Variants in OLAH observed in about 807,000 individuals in gnomAD.
OLAH encodes the protein S-acyl fatty acid synthase thioesterase, medium chain.
Under a neutral mutation model 27.8 loss-of-function variants are expected in OLAH, and 33 were observed. The observed-to-expected ratio is 1.19, with a 90% CI of 0.90 to 1.59. The LOEUF (loss-of-function observed/expected upper bound fraction) is 1.59. OLAH is among the 40% of genes most tolerant of loss of function. OLAH has a pLI of 0.00. For missense variants in OLAH, 359 were observed against 310.8 expected (o/e 1.16, Z -1.17); for synonymous variants, 120 against 102.9 (o/e 1.17, Z -1.01).
chr10:15,051,719 T>C (rs569281981), intron 3 of OLAH, among the ~76,000 whole-genome samples: 1 of 152,194 alleles, frequency 6.6e-6, no homozygotes, highest in Admixed American at 6.5e-5. Flanking sequence ...TTTTTTTTAG[T>C]CTTAGAACCA....
At chr10:15,065,962 C>T (rs1844459480) in intron 6 of OLAH, among the ~76,000 whole-genome samples, 1 of 152,202 alleles carries the variant, frequency 6.6e-6, no homozygotes, top group Non-Finnish European at 1.5e-5. Flanking sequence ...CTAGCATGGC[C>T]AGGCACAGTG....
At chr10:15,061,921 T>A in intron 4 of OLAH, 59 bp downstream of exon 4, 1 of 1,531,608 alleles carries the variant, frequency 6.5e-7, no homozygotes, top group Non-Finnish European at 8.9e-7. Flanking sequence ...AAGTTTGAGG[T>A]TAATGTTATT....
At chr10:15,040,109 A>G (rs886530323), upstream of OLAH, among the ~76,000 whole-genome samples, 2 of 152,088 alleles carry the variant, frequency 1.3e-5, no homozygotes, top group Non-Finnish European at 2.9e-5. Context: ...CTTTGTCCCC[A>G]TGACAACTTC....
intron 3 of OLAH, among the ~76,000 whole-genome samples, chr10:15,051,084 T>TA (rs1844132106): frequency 8.3e-6 from 1 of 120,246 alleles, no homozygotes; most frequent in Non-Finnish European, 1.9e-5. Flanking sequence ...TATTATTTTT[T>TA]TTTTTTTTTG....
In OLAH at chr10:15,065,669, C is replaced by A; in HGVS notation, c.488C>A (p.Pro163His). The A allele has an allele frequency of 4.3e-6, 7 of 1,614,078 alleles. No homozygotes were observed. Among genetic ancestry groups the A allele is most frequent in the South Asian group, 1.1e-5 (1 of 91,074 alleles). The change falls in exon 6 of 8, where the codon CCC becomes CAC. Residue 163 changes from proline (P) to histidine (H), a missense_variant. By Grantham distance (77) the Pro-to-His change is moderately conservative (BLOSUM62 -2). Coordinates refer to ENST00000378228, the MANE Select transcript of OLAH (RefSeq NM_001039702.3). ...SHYLMEFGGT[P>H]KHFAEAKEFV... Reference sequence around the variant, plus strand: ...TACCTTATGGAATTTGGAGGCACCCCCAAGCATTTTGCTGAAGCCAAGGAA... The same window carrying A: ...TACCTTATGGAATTTGGAGGCACCCACAAGCATTTTGCTGAAGCCAAGGAA...
At chr10:15,037,785 G>C (rs987713105) in intron 1 of OLAH, among the ~76,000 whole-genome samples, 2 of 152,168 alleles carry the variant, frequency 1.3e-5, no homozygotes, top group Non-Finnish European at 1.5e-5. Flanking sequence ...TCTACGTATG[G>C]GGATGGGAGG....
intron 3 of OLAH, among the ~76,000 whole-genome samples, chr10:15,055,340 T>C (rs942758855): frequency 6.6e-6 from 1 of 152,168 alleles, no homozygotes; most frequent in Admixed American, 6.6e-5. Flanking sequence ...CTCGTTTGTG[T>C]GGGTGGGGGT....
At chr10:15,045,503 T>G (rs1407746445) in intron 1 of OLAH, among the ~76,000 whole-genome samples, 1 of 152,192 alleles carries the variant, frequency 6.6e-6, no homozygotes, top group African/African-American at 2.4e-5. Context: ...TCAGGTGATT[T>G]TTTTCTGAGA....
At chr10:15,035,021 C>G (rs901052886) in intron 1 of OLAH, among the ~76,000 whole-genome samples, 2 of 151,926 alleles carry the variant, frequency 1.3e-5, no homozygotes. Context: ...AGGCTGGTCA[C>G]GAACTCCTGA....
chr10:15,060,601 G>A (rs1050539770), intron 3 of OLAH, among the ~76,000 whole-genome samples: 8 of 152,026 alleles, frequency 5.3e-5, no homozygotes, highest in Admixed American at 2.0e-4. Context: ...ATCTCTACGA[G>A]TTCCATTTGG....
At chr10:15,033,505 G>A (rs1843790840) in intron 1 of OLAH, among the ~76,000 whole-genome samples, 1 of 151,946 alleles carries the variant, frequency 6.6e-6, no homozygotes, top group Non-Finnish European at 1.5e-5. Flanking sequence ...AAGAGGGGGA[G>A]GAGAAGAAAA....
At chr10:15,044,812 C>A (rs1373583889) in intron 1 of OLAH, among the ~76,000 whole-genome samples, 1 of 152,184 alleles carries the variant, frequency 6.6e-6, no homozygotes, top group Non-Finnish European at 1.5e-5. Context: ...CACCTCTCCT[C>A]ACCTCCTGGC....
intron 3 of OLAH, among the ~76,000 whole-genome samples, chr10:15,053,816 G>T (rs1844192407): frequency 6.6e-6 from 1 of 151,928 alleles, no homozygotes; most frequent in African/African-American, 2.4e-5. Flanking sequence ...CCAGGCTCAA[G>T]CGATCCTCCC....
At chr10:15,049,137 AAAAAAAAAAAATTAGAGGCAAGAT>A (rs1844082932) in intron 2 of OLAH, among the ~76,000 whole-genome samples, 1 of 130,788 alleles carries the variant, frequency 7.6e-6, no homozygotes, top group Admixed American at 8.5e-5. Context: ...TATGTCTCCA[AAAAAAAAAAAATTAGAGGCAAGAT>A]GTCACTCTGT....
chr10:15,060,251 C>T (rs1844337225), intron 3 of OLAH, among the ~76,000 whole-genome samples: 1 of 152,234 alleles, frequency 6.6e-6, no homozygotes, highest in African/African-American at 2.4e-5. Flanking sequence ...CTCACTGCAA[C>T]CTCTGCCTCC....
intron 6 of OLAH, among the ~76,000 whole-genome samples, chr10:15,068,800 C>T (rs1030326211): frequency 3.3e-5 from 5 of 152,084 alleles, no homozygotes; most frequent in Non-Finnish European, 4.4e-5. Context: ...TTTGACAGGC[C>T]GTTAGTGTGG....
Position 15,048,298 on chromosome 10 carries a change from A to AC in OLAH, c.32+986dup, listed in dbSNP as rs796491681. Among the ~76,000 whole-genome samples, 1,079 of 150,322 alleles carry AC rather than the reference A, an allele frequency of 7.2e-3. 15 individuals carry two copies. Among genetic ancestry groups the AC allele is most frequent in the African/African-American group, 0.025 (1,018 of 40,988 alleles). The stretch of plus-strand genomic sequence containing the variant: ...GGTGGTGCGATCTCGGCTCACTGCA[A>AC]CCCCCCCCTCCTGGGTTCAAGTAAT... On this transcript the variant is annotated intron_variant, in intron 2 of 7. Transcript: ENST00000378228.
At chr10:15,039,561 G>C (rs1210061217), upstream of OLAH, among the ~76,000 whole-genome samples, 1 of 152,158 alleles carries the variant, frequency 6.6e-6, no homozygotes, top group African/African-American at 2.4e-5. Context: ...TGGACAATAA[G>C]AGGAAAACTT....
chr10:15,035,503 G>A (rs1480389119), intron 1 of OLAH, among the ~76,000 whole-genome samples: 1 of 152,062 alleles, frequency 6.6e-6, no homozygotes, highest in Non-Finnish European at 1.5e-5. Context: ...AGCTGGATGG[G>A]GAAGTGCCAT....
Sources: allele counts gnomAD v4.1 joint callset (sites outside exome capture counted in the v4.1 genomes callset), GRCh38; gene constraint gnomAD v4.1.1; transcripts MANE v1.5; gene names NCBI Gene and HGNC (gene_info 2026-07-23, HGNC 2026-07-21).